Variants in PLA2G5 observed in about 807,000 individuals in gnomAD.
The protein encoded by PLA2G5 is phospholipase A2 group V, also known as Ca2+-dependent phospholipase A2.
PLA2G5 carries 12 observed loss-of-function variants against 15.9 expected under a neutral mutation model. The observed-to-expected ratio is 0.76, with a 90% CI of 0.48 to 1.23. The LOEUF (loss-of-function observed/expected upper bound fraction) is 1.23. PLA2G5 is among the 50% of genes most tolerant of loss of function. The pLI is 0.00. For synonymous variants in PLA2G5, 71 were observed against 71.4 expected (o/e 0.99, Z 0.03); for missense variants, 169 against 177.1 (o/e 0.95, Z 0.26).
chr1:20,068,041 C>G (rs1363328677), upstream of PLA2G5, among the ~76,000 whole-genome samples: 2 of 152,132 alleles, frequency 1.3e-5, no homozygotes, highest in African/African-American at 4.8e-5. Flanking sequence ...ATCGCTTGAA[C>G]CTGGGAGTGG....
intron 1 of PLA2G5, among the ~76,000 whole-genome samples, chr1:20,049,607 A>G (rs2014084200): frequency 6.6e-6 from 1 of 152,000 alleles, no homozygotes; most frequent in Non-Finnish European, 1.5e-5. Flanking sequence ...ACAAAACCTG[A>G]TGGTTTTATA....
At chr1:20,048,789 A>G (rs1235195670) in intron 1 of PLA2G5, among the ~76,000 whole-genome samples, 1 of 152,190 alleles carries the variant, frequency 6.6e-6, no homozygotes, top group Non-Finnish European at 1.5e-5. Flanking sequence ...GTTTTCATAA[A>G]CAATCTAGGC....
At chr1:20,033,473 G>A (rs1174564089) in intron 1 of PLA2G5, among the ~76,000 whole-genome samples, 2 of 152,196 alleles carry the variant, frequency 1.3e-5, no homozygotes, top group African/African-American at 2.4e-5. Context: ...AGGGATAGAA[G>A]GGATTGATGG....
chr1:20,089,751 C>A (rs1055546972), intron 3 of PLA2G5, 38 bp from the exon 4 acceptor site: 4 of 1,535,606 alleles, frequency 2.6e-6, no homozygotes, highest in African/African-American at 2.7e-5. Context: ...CAGGAGGGCA[C>A]CCCTCCCACT....
At position 20,056,887 on chromosome 1, in the gene PLA2G5, T is replaced by C. The variant is rs145403507; in HGVS notation, n.277-2745T>C. 1.4e-3 allele frequency among the ~76,000 whole-genome samples: 217 copies of C among 152,350 alleles called. 1 individual carries two copies. The highest frequency in any genetic ancestry group is 4.8e-3 in the African/African-American group (201 of 41,586). On this transcript the variant is annotated intron_variant and non_coding_transcript_variant, in intron 1 of 6. Transcript: ENST00000460175. Reference sequence around the variant, plus strand: ...AAGGTTATTAATTATTGATTCAATTTATTTAATAGATGCTGGTCTATTCAA... The same window carrying C: ...AAGGTTATTAATTATTGATTCAATTCATTTAATAGATGCTGGTCTATTCAA...
chr1:20,038,368 A>G (rs574300028), intron 1 of PLA2G5, among the ~76,000 whole-genome samples: 1 of 152,280 alleles, frequency 6.6e-6, no homozygotes, highest in African/African-American at 2.4e-5. Flanking sequence ...ATCTTTCCCC[A>G]ATTACACTAG....
At chr1:20,075,173 C>T (rs948198535) in intron 1 of PLA2G5, among the ~76,000 whole-genome samples, 3 of 152,138 alleles carry the variant, frequency 2.0e-5, no homozygotes, top group Non-Finnish European at 4.4e-5. Context: ...TTGGACAGGG[C>T]CTATTCACTC....
At chr1:20,062,459 G>T (rs11579256) in intron 2 of PLA2G5, among the ~76,000 whole-genome samples, 27 of 152,218 alleles carry the variant, frequency 1.8e-4, no homozygotes, top group African/African-American at 6.0e-4. Flanking sequence ...GGCTTCAGGG[G>T]AATCAAAGCA....
At chr1:20,033,676 G>A (rs2013092294) in intron 1 of PLA2G5, among the ~76,000 whole-genome samples, 2 of 152,136 alleles carry the variant, frequency 1.3e-5, no homozygotes, top group South Asian at 4.1e-4. Context: ...ATGTTTGGCA[G>A]AGTAGTCCAA....
chr1:20,037,131 C>T (rs2013299743), intron 1 of PLA2G5, among the ~76,000 whole-genome samples: 3 of 152,164 alleles, frequency 2.0e-5, no homozygotes, highest in Admixed American at 6.5e-5. Context: ...AAGAACCTTG[C>T]TCTGTCATAT....
intron 1 of PLA2G5, among the ~76,000 whole-genome samples, chr1:20,031,583 A>G (rs2012942647): frequency 6.8e-6 from 1 of 146,646 alleles, no homozygotes. Flanking sequence ...GTTATGGACC[A>G]GGGCCTCCTG....
intron 1 of PLA2G5, among the ~76,000 whole-genome samples, chr1:20,046,408 T>A (rs925361752): frequency 1.3e-5 from 2 of 152,162 alleles, no homozygotes; most frequent in African/African-American, 4.8e-5. Context: ...CAAACAAAAA[T>A]CCCCAAAACC....
chr1:20,043,555 A>G (rs1169614196), intron 1 of PLA2G5, among the ~76,000 whole-genome samples: 1 of 152,036 alleles, frequency 6.6e-6, no homozygotes, highest in Non-Finnish European at 1.5e-5. Context: ...TGAGAGGAAG[A>G]TGCAAAGGAG....
Position 20,086,144 on chromosome 1 carries a change from G to A in PLA2G5, c.102G>A (p.Gly34=). 6.2e-7 allele frequency: 1 copy of A among 1,614,146 alleles called. No homozygotes were observed. The highest frequency in any genetic ancestry group is 8.5e-7 in the Non-Finnish European group (1 of 1,180,016). Residue 34 remains glycine, a synonymous_variant, in exon 3 of 5, where the codon GGG becomes GGA. Transcript: ENST00000375108. ...DLKSMIEKVT[G]KNALTNYGFY... is the part of the protein sequence containing the mutation. ...AATCAATGATCGAGAAGGTGACAGGGAAGAACGCCCTGACAAACTACGGCT... is the reference window on the plus strand; with the variant it reads ...AATCAATGATCGAGAAGGTGACAGGAAAGAACGCCCTGACAAACTACGGCT...
In PLA2G5 at chr1:20,090,694, C is replaced by T. The variant is rs1023469719; in HGVS notation, c.*2C>T. The T allele has an allele frequency of 1.2e-6, 2 of 1,613,946 alleles. No individual in the cohort carries two copies. The highest frequency in any genetic ancestry group is 1.3e-5 in the African/African-American group (1 of 74,930). ...TTTCCCAACATCCTCTGCTCCTAGG[C>T]CTCCCCAGCGAGCTCCTCCCAGACC... On this transcript the variant is annotated 3_prime_UTR_variant, in exon 5 of 5. Coordinates refer to ENST00000375108, the MANE Select transcript of PLA2G5 (RefSeq NM_000929.3).
At chr1:20,035,464 G>A (rs373749198) in intron 1 of PLA2G5, among the ~76,000 whole-genome samples, 9 of 152,314 alleles carry the variant, frequency 5.9e-5, no homozygotes, top group East Asian at 1.9e-4. Flanking sequence ...TCACTTTGAC[G>A]AAGGTCTGCA....
chr1:20,054,208 T>C (rs565481444), intron 1 of PLA2G5, among the ~76,000 whole-genome samples: 6 of 152,336 alleles, frequency 3.9e-5, no homozygotes, highest in Admixed American at 2.0e-4. Flanking sequence ...CAGAGTCTTC[T>C]ATAATGTAAT....
At chr1:20,030,790 C>T (rs145435563) in intron 1 of PLA2G5, among the ~76,000 whole-genome samples, 2,685 of 152,268 alleles carry the variant, frequency 0.018, 38 homozygotes, top group Middle Eastern at 0.034. Context: ...AGCATACTGC[C>T]TGCAAACACA....
At chr1:20,085,586 G>A (rs1364489562) in intron 2 of PLA2G5, among the ~76,000 whole-genome samples, 2 of 152,210 alleles carry the variant, frequency 1.3e-5, no homozygotes, top group Non-Finnish European at 2.9e-5. Flanking sequence ...TCTAAAGGGT[G>A]TGAGGGGAGG....
Sources: gnomAD v4.1 joint callset for allele counts (sites outside exome capture counted in the v4.1 genomes callset) on GRCh38, gnomAD v4.1.1 for gene constraint, MANE v1.5 for transcripts, NCBI Gene and HGNC (gene_info 2026-07-23, HGNC 2026-07-21) for gene names.